TTN: variants seen among roughly 807,000 people sequenced by gnomAD.
The protein encoded by TTN is titin, also known as connectin.
In TTN, 1,525 loss-of-function variants were observed where a neutral mutation model predicts 3,223.0. That is an observed-to-expected ratio of 0.47 (90% CI 0.45 to 0.49). The LOEUF is 0.49. Ranked by LOEUF, TTN falls within the 20% of genes least tolerant of loss-of-function variation. The pLI, the probability that TTN is intolerant of heterozygous loss-of-function variation, is 0.00. For missense variants in TTN, 40,786 were observed against 43,424.0 expected, an observed-to-expected ratio of 0.94 and a Z score of 5.40; for synonymous variants, 14,094 against 15,161.0, an observed-to-expected ratio of 0.93 and a Z score of 5.17.
Position 178,560,692 on chromosome 2 carries a change from A to C in TTN, c.85440T>G (p.Gly28480=). ...CTACGATGTAATAGTCGATATCTGC[A>C]CCACCATCTTCTTGGGGACGTCCCC... ...LSWGRPQEDG[G]ADIDYYIVEK... Residue 28480 remains glycine (G), a synonymous_variant, in exon 326 of 363, where the codon GGT becomes GGG. Coordinates refer to ENST00000589042, the MANE Select transcript of TTN (RefSeq NM_001267550.2). The C allele has an allele frequency of 6.2e-7, 1 of 1,613,670 alleles. No individual in the cohort carries two copies. The highest frequency in any genetic ancestry group is 8.5e-7 in the Non-Finnish European group (1 of 1,179,792).
rs779550415 is a variant in TTN, at chr2:178,672,119, T to G, written c.35079A>C (p.Glu11693Asp). The G allele has an allele frequency of 1.2e-6, 2 of 1,611,496 alleles. No individual in the cohort carries two copies. Among genetic ancestry groups the G allele is most frequent in the Non-Finnish European group, 1.7e-6 (2 of 1,178,662 alleles). The change falls in exon 155 of 363, where the codon GAA becomes GAC. Residue 11693 changes from glutamate to aspartate, a missense_variant. Physicochemically the swap from Glu to Asp is conservative, Grantham distance 45. Coordinates refer to ENST00000589042, the MANE Select transcript of TTN (RefSeq NM_001267550.2). ...ATTCTTCTACTTCATGAAACTCGCC[T>G]TCTTCAAAATATTCTTCAACTTCAT... ...EFHEVEEYFEEGEFHEVEEFI... is the reference protein window; with the variant it reads ...EFHEVEEYFEDGEFHEVEEFI...
intron 350 of TTN, among the ~76,000 whole-genome samples, 158 bp from the exon 351 acceptor site, chr2:178,540,528 C>T (rs1345923712): frequency 6.6e-6 from 1 of 152,122 alleles, no homozygotes; most frequent in Non-Finnish European, 1.5e-5. Context: ...TGTGGTGGCT[C>T]ATGCCTGTAA....
rs1031785054 is a variant in TTN, at chr2:178,580,562, A to T, written c.66817T>A (p.Leu22273Ile). The change falls in exon 317 of 363, where the codon TTA (leucine) becomes ATA (isoleucine). Residue 22273 changes from leucine to isoleucine, a missense_variant. Transcript: ENST00000589042. ...AGTCTCATAGTAACTCCAGCACGTA[A>T]TATGAGTGTCTTCCTTAAGTCCGCA... is the stretch of plus-strand genomic sequence containing the variant. ...LDADLRKTLI[L>I]RAGVTMRLYV... 6.2e-7 allele frequency: 1 copy of T among 1,612,442 alleles called. No individual in the cohort carries two copies. Among genetic ancestry groups the T allele is most frequent in the African/African-American group, 1.3e-5 (1 of 74,994 alleles).
intron 3 of TTN, among the ~76,000 whole-genome samples, chr2:178,801,154 C>G (rs1270124232): frequency 6.6e-6 from 1 of 152,158 alleles, no homozygotes; most frequent in Non-Finnish European, 1.5e-5. Context: ...TTTTAAAATT[C>G]TAAACCTTCT....
Position 178,632,283 on chromosome 2 carries a change from G to T in TTN, c.43611C>A (p.His14537Gln). ...VKWFKNDQRL[H>Q]TTRSVSMQDE... Reference sequence around the variant, plus strand: ...CTTGCATTGAGACCGACCTGGTGGTGTGTAGGCGCTGGTCATTCTTGAACC... The same window carrying T: ...CTTGCATTGAGACCGACCTGGTGGTTTGTAGGCGCTGGTCATTCTTGAACC... Residue 14537 changes from histidine to glutamine, a missense_variant, in exon 236 of 363, where the codon CAC becomes CAA. Coordinates refer to ENST00000589042, the MANE Select transcript of TTN (RefSeq NM_001267550.2). The T allele has an allele frequency of 6.2e-7, 1 of 1,609,966 alleles. No homozygotes were observed. The highest frequency in any genetic ancestry group is 8.5e-7 in the Non-Finnish European group (1 of 1,178,046).
chr2:178,740,734 G>C lies in TTN; in HGVS notation c.12499C>G (p.Leu4167Val). The change falls in exon 48 of 363, where the codon CTA becomes GTA. Residue 4167 changes from leucine (L) to valine (V), a missense_variant. Coordinates refer to ENST00000589042, the MANE Select transcript of TTN (RefSeq NM_001267550.2). ...TGTGTCTCAGGCTCTTCAGGCATTA[G>C]AATACCTTCTTTGGAGAAGGTTTTC... ...SQKTFSKEGILMPEEPETQAV... is the reference protein window; with the variant it reads ...SQKTFSKEGIVMPEEPETQAV... The C allele has an allele frequency of 6.2e-7, 1 of 1,613,770 alleles. No homozygotes were observed. The highest frequency in any genetic ancestry group is 1.7e-4 in the Middle Eastern group (1 of 6,058).
At chr2:178,689,625 A>T in intron 122 of TTN, 30 bp from the exon 123 acceptor site, 1 of 1,570,542 alleles carries the variant, frequency 6.4e-7, no homozygotes. Flanking sequence ...AATTGACTTT[A>T]TATTTTCTAA....
Position 178,728,380 on chromosome 2 carries a change from A to G in TTN, c.19444T>C (p.Ser6482Pro), listed in dbSNP as rs1560758702. The G allele has an allele frequency of 6.2e-7, 1 of 1,600,468 alleles. No homozygotes were observed. Among genetic ancestry groups the G allele is most frequent in the Non-Finnish European group, 8.5e-7 (1 of 1,174,116 alleles). Residue 6482 changes from serine to proline, a missense_variant, in exon 67 of 363, where the codon TCA (serine) becomes CCA (proline). Coordinates refer to ENST00000589042, the MANE Select transcript of TTN (RefSeq NM_001267550.2). ...ATTTTGGTTAATTTTTTGGTGAATGATGGAGGAATATTTTGATCTGTCCAA... is the reference window on the plus strand; with the variant it reads ...ATTTTGGTTAATTTTTTGGTGAATGGTGGAGGAATATTTTGATCTGTCCAA... ...LRVLDQNIPP[S>P]FTKKLTKMDK...
At position 178,621,460 on chromosome 2, in the gene TTN, C is replaced by T; in HGVS notation, c.45349+15G>A. ...ATTGTTAGAAATAAAAGATTATTCA[C>T]TGTAGTTTTCATACCATGTACTTTG... On this transcript the variant is annotated intron_variant, in intron 245 of 362. Transcript: ENST00000589042. 2 of 1,607,444 alleles carry T rather than the reference C, an allele frequency of 1.2e-6. No individual in the cohort carries two copies. Among genetic ancestry groups the T allele is most frequent in the Non-Finnish European group, 1.7e-6 (2 of 1,177,246 alleles).
chr2:178,736,087 T>A lies in TTN; in HGVS notation c.14372-13A>T, dbSNP rs2081392736. ...GGTGGATATGCCTCTGCAAAAGAAA[T>A]TTTTCCAGCATTACATTTAGTCCCC... On this transcript the variant is annotated splice_polypyrimidine_tract_variant and intron_variant, in intron 49 of 362. Coordinates refer to ENST00000589042, the MANE Select transcript of TTN (RefSeq NM_001267550.2). The A allele has an allele frequency of 1.3e-6, 2 of 1,540,122 alleles. No homozygotes were observed. The highest frequency in any genetic ancestry group is 4.5e-5 in the East Asian group (2 of 44,256).
Position 178,619,978 on chromosome 2 carries a change from T to G in TTN, c.46429+10A>C, listed in dbSNP as rs1264794247. Reference sequence around the variant, plus strand: ...GTAACATTAGAATTGTTTTTTCACTTAATATGTACCTTCCACAAAAAGTCT... The same window carrying G: ...GTAACATTAGAATTGTTTTTTCACTGAATATGTACCTTCCACAAAAAGTCT... On this transcript the variant is annotated intron_variant, in intron 249 of 362. Transcript: ENST00000589042. 6.2e-7 allele frequency: 1 copy of G among 1,603,248 alleles called. No individual in the cohort carries two copies. The highest frequency in any genetic ancestry group is 2.2e-5 in the East Asian group (1 of 44,532).
chr2:178,578,090 T>A lies in TTN; in HGVS notation c.68425A>T (p.Thr22809Ser). ...CGGAATTCATATTCAAGACCTTCAGTTAATCCTGTCACTTTAAAGTCTCTC... is the reference window on the plus strand; with the variant it reads ...CGGAATTCATATTCAAGACCTTCAGATAATCCTGTCACTTTAAAGTCTCTC... ...RMRDFKVTGL[T>S]EGLEYEFRVM... Residue 22809 changes from threonine (T) to serine (S), a missense_variant, in exon 322 of 363, where the codon ACT becomes TCT. Thr to Ser is a moderately conservative substitution (Grantham distance 58, BLOSUM62 1). Transcript: ENST00000589042. 1 of 1,613,328 alleles carries A rather than the reference T, an allele frequency of 6.2e-7. No homozygotes were observed. Among genetic ancestry groups the A allele is most frequent in the Non-Finnish European group, 8.5e-7 (1 of 1,179,478 alleles).
In TTN at chr2:178,560,283, C is replaced by A. The variant is rs1703153393; in HGVS notation, c.85849G>T (p.Glu28617Ter). The change falls in exon 326 of 363, where the codon GAA becomes TAA. Residue 28617 changes from glutamate to a stop codon, truncating the protein, a stop_gained. Transcript: ENST00000589042. LOFTEE classifies it high-confidence loss of function. ...DLRVKSTGLR[E>*]GCEYEYRVYA... The stretch of plus-strand genomic sequence containing the variant: ...ACACGATATTCATATTCACATCCTT[C>A]CCGAAGTCCTGTTGATTTCACTCTT... 1 of 1,613,794 alleles carries A rather than the reference C, an allele frequency of 6.2e-7. No homozygotes were observed. The highest frequency in any genetic ancestry group is 2.2e-5 in the East Asian group (1 of 44,846).
chr2:178,621,729 A>G lies in TTN; in HGVS notation c.45095T>C (p.Val15032Ala), dbSNP rs1358140088. 1.2e-6 allele frequency: 2 copies of G among 1,611,146 alleles called. No individual in the cohort carries two copies. ...GMLTVLEEEA[V>A]FTKNLANIEV... ...AATGTTGGCAAGATTTTTGGTAAAGACAGCTTCTTCTTCTGCAAGCATTGA... is the reference window on the plus strand; with the variant it reads ...AATGTTGGCAAGATTTTTGGTAAAGGCAGCTTCTTCTTCTGCAAGCATTGA... Residue 15032 changes from valine (V) to alanine (A), a missense_variant, in exon 245 of 363, where the codon GTC becomes GCC. Coordinates refer to ENST00000589042, the MANE Select transcript of TTN (RefSeq NM_001267550.2).
intron 46 of TTN, 86 bp downstream of exon 46, chr2:178,756,136 A>G (rs2154334676): frequency 1.0e-6 from 1 of 991,768 alleles, no homozygotes; most frequent in Middle Eastern, 2.2e-4. Flanking sequence ...TAATTAATAT[A>G]TTCGTCGATT....
In TTN at chr2:178,582,547, G is replaced by A; in HGVS notation, c.65909C>T (p.Ser21970Leu). The change falls in exon 314 of 363, where the codon TCA becomes TTA. Residue 21970 changes from serine to leucine, a missense_variant. Transcript: ENST00000589042. ...TTCCCAAGAAAGCATAGCACGATCT[G>A]AATACATTTTGTTGATTTTAACAGA... Reference protein sequence around the residue: ...PASVKINKMYSDRAMLSWEPP... With the variant: ...PASVKINKMYLDRAMLSWEPP... 3 of 1,612,122 alleles carry A rather than the reference G, an allele frequency of 1.9e-6. No individual in the cohort carries two copies. Among genetic ancestry groups the A allele is most frequent in the Non-Finnish European group, 2.5e-6 (3 of 1,178,854 alleles).
intron 2 of TTN, 85 bp downstream of exon 2, chr2:178,804,467 C>G (rs905625293): frequency 7.4e-7 from 1 of 1,353,510 alleles, no homozygotes; most frequent in Non-Finnish European, 1.0e-6. Context: ...AGGGCTTAAA[C>G]TTGGCGTCAA....
In TTN at chr2:178,635,265, G is replaced by C; in HGVS notation, c.41924C>G (p.Thr13975Ser). The change falls in exon 228 of 363, where the codon ACC becomes AGC. Residue 13975 changes from threonine to serine, a missense_variant. By Grantham distance (58) the Thr-to-Ser change is moderately conservative (BLOSUM62 1). Coordinates refer to ENST00000589042, the MANE Select transcript of TTN (RefSeq NM_001267550.2). ...VELLKPIEDV[T>S]IYEKESASFD... ...GCTTGCACTTTCTTTCTCATAAATG[G>C]TAACGTCCTCTATTGGTTTAAGCAG... 2 of 1,613,222 alleles carry C rather than the reference G, an allele frequency of 1.2e-6. No homozygotes were observed. Among genetic ancestry groups the C allele is most frequent in the African/African-American group, 2.7e-5 (2 of 74,972 alleles).
In TTN at chr2:178,665,750, G is replaced by A; in HGVS notation, c.35917C>T (p.Pro11973Ser). ...PREIVPVKET[P>S]MAAPLEIEIP... is the part of the protein sequence containing the mutation. The stretch of plus-strand genomic sequence containing the variant: ...TCAATTTCAAGGGGAGCAGCCATGG[G>A]TGTTTCCTTTACAGGGACAATTTCT... The change falls in exon 164 of 363, where the codon CCC (proline) becomes TCC (serine). Residue 11973 changes from proline (P) to serine (S), a missense_variant. Transcript: ENST00000589042. 1 of 1,320,540 alleles carries A rather than the reference G, an allele frequency of 7.6e-7. No individual in the cohort carries two copies. The highest frequency in any genetic ancestry group is 9.6e-7 in the Non-Finnish European group (1 of 1,041,230). 81.8% of individuals were successfully genotyped at this position (1,320,540 alleles called of 1,614,324 possible). A position where few individuals can be genotyped will look rare whatever the true frequency, so the allele number is the denominator to read the frequency against.
Sources: gnomAD v4.1 joint callset for allele counts (sites outside exome capture counted in the v4.1 genomes callset) on GRCh38, gnomAD v4.1.1 for gene constraint, MANE v1.5 for transcripts, NCBI Gene and HGNC (gene_info 2026-07-23, HGNC 2026-07-21) for gene names.